PDE1A: variants seen among roughly 807,000 people sequenced by gnomAD.
PDE1A encodes dual specificity calcium/calmodulin-dependent 3',5'-cyclic nucleotide phosphodiesterase 1A.
A neutral mutation model predicts 61.7 loss-of-function variants in PDE1A; 35 were observed. That is an observed-to-expected ratio of 0.57 (90% CI 0.43 to 0.75). PDE1A has a LOEUF of 0.75. Ranked by LOEUF, PDE1A falls within the 30% of genes least tolerant of loss-of-function variation. The pLI, the probability that PDE1A is intolerant of heterozygous loss-of-function variation, is 0.00. For synonymous variants in PDE1A, 232 were observed against 213.2 expected (o/e 1.09, Z -0.77); for missense variants, 597 against 630.6 (o/e 0.95, Z 0.57).
chr2:182,639,641 T>A, the PDE1A span, among the ~76,000 whole-genome samples: 1 of 151,420 alleles, frequency 6.6e-6, no homozygotes, highest in Non-Finnish European at 1.5e-5. Context: ...CTGTGAAAAA[T>A]ACAGTAAGAG....
At chr2:182,666,472 G>C in the PDE1A span, among the ~76,000 whole-genome samples, 1 of 152,006 alleles carries the variant, frequency 6.6e-6, no homozygotes, top group Non-Finnish European at 1.5e-5. Flanking sequence ...GCCGGGTGTG[G>C]TGGCGCATGC....
exon 1 of PDE1A, chr2:182,426,644 T>C: frequency 6.2e-7 from 1 of 1,612,348 alleles, no homozygotes; most frequent in Non-Finnish European, 8.5e-7. Flanking sequence ...AAGGTGAAGG[T>C]TTAACTTCTT....
intron 7 of PDE1A, among the ~76,000 whole-genome samples, chr2:182,219,501 A>G (rs1343272143): frequency 6.6e-6 from 1 of 152,130 alleles, no homozygotes; most frequent in Non-Finnish European, 1.5e-5. Context: ...GAACTCGTTC[A>G]TATAAGTTGG....
chr2:182,221,350 G>T (rs951353955), intron 7 of PDE1A, among the ~76,000 whole-genome samples: 1 of 152,064 alleles, frequency 6.6e-6, no homozygotes, highest in Non-Finnish European at 1.5e-5. Context: ...CCTGTACAGA[G>T]CCCAGCTCAG....
the PDE1A span, among the ~76,000 whole-genome samples, chr2:182,626,785 A>G: frequency 1.9e-4 from 1 of 5,332 alleles, no homozygotes; most frequent in Non-Finnish European, 4.4e-4. Flanking sequence ...ATATATACAT[A>G]TATATACATA....
At chr2:182,164,667 T>A (rs1474072225), downstream of PDE1A, among the ~76,000 whole-genome samples, 1 of 151,990 alleles carries the variant, frequency 6.6e-6, no homozygotes, top group Non-Finnish European at 1.5e-5. Context: ...GGGCTTCCAC[T>A]CACCAAGAGT....
intron 1 of PDE1A, among the ~76,000 whole-genome samples, chr2:182,326,212 C>G (rs916464101): frequency 1.3e-4 from 20 of 152,014 alleles, no homozygotes; most frequent in Admixed American, 7.9e-4. Flanking sequence ...AAATGGTGGA[C>G]CCATATCTAC....
chr2:182,715,990 G>T, the PDE1A span: 1 of 152,460 alleles, frequency 6.6e-6, no homozygotes, highest in Non-Finnish European at 1.5e-5. Flanking sequence ...ACGGAAGCAG[G>T]AAGAGGCGGG....
intron 7 of PDE1A, among the ~76,000 whole-genome samples, chr2:182,208,166 G>C (rs958995750): frequency 2.0e-5 from 3 of 152,124 alleles, no homozygotes; most frequent in African/African-American, 7.2e-5. Flanking sequence ...TGTGAGAAGA[G>C]GGCTACTGTA....
chr2:182,331,674 C>T (rs542904303), intron 1 of PDE1A, among the ~76,000 whole-genome samples: 19 of 152,304 alleles, frequency 1.2e-4, no homozygotes, highest in Non-Finnish European at 2.4e-4. Flanking sequence ...TGAATATTGT[C>T]ACCCACTCTC....
the PDE1A span, among the ~76,000 whole-genome samples, chr2:182,680,921 T>C: frequency 1.3e-5 from 2 of 152,200 alleles, no homozygotes; most frequent in South Asian, 2.1e-4. Context: ...TTCAATTACA[T>C]GTAAATTAAT....
At chr2:182,528,063 A>C (rs1010106095), upstream of PDE1A, among the ~76,000 whole-genome samples, 1 of 152,138 alleles carries the variant, frequency 6.6e-6, no homozygotes, top group Non-Finnish European at 1.5e-5. Flanking sequence ...AGAGTGGGGC[A>C]CTGCTGTAAA....
chr2:182,412,543 G>A (rs757750853), intron 1 of PDE1A, among the ~76,000 whole-genome samples: 6 of 152,150 alleles, frequency 3.9e-5, no homozygotes, highest in Non-Finnish European at 5.9e-5. Context: ...GCATGTAGTG[G>A]ATGCTCAATG....
intron 2 of PDE1A, among the ~76,000 whole-genome samples, chr2:182,474,956 G>C (rs1687259302): frequency 6.6e-6 from 1 of 151,916 alleles, no homozygotes. Flanking sequence ...CTCTAAATGG[G>C]AAATGGATCA....
chr2:182,348,872 G>A (rs368844337), intron 1 of PDE1A, among the ~76,000 whole-genome samples: 7 of 151,982 alleles, frequency 4.6e-5, no homozygotes, highest in African/African-American at 1.4e-4. Context: ...TGAGCTAGAC[G>A]GTTTTGTCTG....
intron 7 of PDE1A, among the ~76,000 whole-genome samples, chr2:182,212,267 A>T (rs539521894): frequency 1.3e-5 from 2 of 151,164 alleles, no homozygotes; most frequent in African/African-American, 2.4e-5. Context: ...GTATACATTT[A>T]TATATATATA....
the PDE1A span, among the ~76,000 whole-genome samples, chr2:182,582,618 C>A: frequency 6.6e-6 from 1 of 152,068 alleles, no homozygotes. Flanking sequence ...GGGAACAGCT[C>A]GTACAATGAT....
intron 1 of PDE1A, among the ~76,000 whole-genome samples, chr2:182,266,945 T>C (rs969128106): frequency 6.6e-6 from 1 of 152,136 alleles, no homozygotes; most frequent in African/African-American, 2.4e-5. Flanking sequence ...ACAACAAAAA[T>C]TGCATTTAAG....
intron 13 of PDE1A, among the ~76,000 whole-genome samples, chr2:182,148,403 T>C (rs554375684): frequency 1.3e-5 from 2 of 152,322 alleles, no homozygotes; most frequent in African/African-American, 4.8e-5. Context: ...TGTTGTAGGA[T>C]GGCTTTGCAC....
Sources: allele counts gnomAD v4.1 joint callset (sites outside exome capture counted in the v4.1 genomes callset), GRCh38; gene constraint gnomAD v4.1.1; transcripts MANE v1.5; gene names NCBI Gene and HGNC (gene_info 2026-07-23, HGNC 2026-07-21).